Variants in IQANK1 observed in about 807,000 individuals in gnomAD.
IQANK1 encodes IQ motif and ankyrin repeat domain-containing protein 1.
Under a neutral mutation model 22.6 loss-of-function variants are expected in IQANK1, and 30 were observed. That is an observed-to-expected ratio of 1.33 (90% CI 0.99 to 1.80). The LOEUF (loss-of-function observed/expected upper bound fraction) is 1.80, where lower values mean the gene tolerates loss of function less well. Ranked by LOEUF, IQANK1 falls within the 40% of genes most tolerant of loss-of-function variation. The probability of loss-of-function intolerance (pLI) is 0.00; values close to 1 mark genes in which losing one functional copy is unlikely to be tolerated. For missense variants in IQANK1, 275 were observed against 235.2 expected (o/e 1.17, Z -1.11); for synonymous variants, 122 against 99.6 (o/e 1.23, Z -1.34).
chr8:143,775,570 C>G (rs1819665757), intron 7 of IQANK1, among the ~76,000 whole-genome samples: 1 of 151,802 alleles, frequency 6.6e-6, no homozygotes, highest in Non-Finnish European at 1.5e-5. Context: ...ACCAGCCTGG[C>G]CAACATGGTG....
chr8:143,747,974 CTTTCCTTTCCCTTTCCTTTCT>C (rs1819066962), intron 3 of IQANK1, among the ~76,000 whole-genome samples: 1 of 120,518 alleles, frequency 8.3e-6, no homozygotes, highest in Non-Finnish European at 1.7e-5. Context: ...TTTCCTTTCC[CTTTCCTTTCCCTTTCCTTTCT>C]TTTCCTTTCT....
At chr8:143,750,030 G>A (rs1819157724) in intron 3 of IQANK1, among the ~76,000 whole-genome samples, 2 of 147,242 alleles carry the variant, frequency 1.4e-5, no homozygotes, top group African/African-American at 5.0e-5. Context: ...TTGAGGTGGA[G>A]TTTCGCTCTT....
At chr8:143,738,089 G>T (rs1024002591) in intron 2 of IQANK1, among the ~76,000 whole-genome samples, 2 of 152,112 alleles carry the variant, frequency 1.3e-5, no homozygotes, top group African/African-American at 4.8e-5. Flanking sequence ...CACGTGCCCT[G>T]TAGGGGCCAC....
rs1218316003 is a variant in IQANK1 at position 143,748,974 on chromosome 8, A to G, written c.175+9026A>G. 2.6e-5 allele frequency among the ~76,000 whole-genome samples: 3 copies of G among 116,630 alleles called. No homozygotes were observed. The South Asian group carries it at 7.6e-4, about 29-fold the overall frequency. 76.5% of individuals were successfully genotyped at this position (116,630 alleles called of 152,430 possible). A position where few individuals can be genotyped will look rare whatever the true frequency, so the allele number is the denominator to read the frequency against. On this transcript the variant is annotated intron_variant, in intron 3 of 13. Coordinates refer to ENST00000527139, the MANE Select transcript of IQANK1 (RefSeq NM_001381874.1). ...CTATATATAAATATATATCATATAT[A>G]AATATATCATATATAAATATATATC... is the stretch of plus-strand genomic sequence containing the variant.
intron 3 of IQANK1, among the ~76,000 whole-genome samples, chr8:143,751,648 G>GTATA (rs1819191369): frequency 3.8e-5 from 1 of 26,056 alleles, no homozygotes; most frequent in African/African-American, 9.9e-5. Context: ...GTGTGTGTGT[G>GTATA]TGTGTGTGTG....
chr8:143,761,313 G>C (rs1819392854), intron 3 of IQANK1, among the ~76,000 whole-genome samples: 1 of 152,224 alleles, frequency 6.6e-6, no homozygotes, highest in African/African-American at 2.4e-5. Flanking sequence ...CCCGGCCCCT[G>C]CCTGCTGCTC....
Position 143,790,057 on chromosome 8 carries a change from G to A in IQANK1, c.1282G>A (p.Asp428Asn), listed in dbSNP as rs924148331. 157 of 1,232,012 alleles carry A rather than the reference G, an allele frequency of 1.3e-4. 4 individuals are homozygous for A. The highest frequency in any genetic ancestry group is 4.4e-4 in the East Asian group (14 of 31,726). 76.3% of individuals were successfully genotyped at this position (1,232,012 alleles called of 1,614,324 possible). A position where few individuals can be genotyped will look rare whatever the true frequency, so the allele number is the denominator to read the frequency against. ...AGATGTAGGCAACCGCATCCGTGCC[G>A]ATGGCCGGTCAGTTCTCCGGGCCAG... Reference protein sequence around the residue: ...MKDVGNRIRADGRWPLVIDPL... With the variant: ...MKDVGNRIRANGRWPLVIDPL... The change falls in exon 12 of 14, where the codon GAT (aspartate) becomes AAT (asparagine). Residue 428 changes from aspartate (D) to asparagine (N), a missense_variant. Coordinates refer to ENST00000527139, the MANE Select transcript of IQANK1 (RefSeq NM_001381874.1).
At chr8:143,738,567 G>A (rs1398525443) in intron 2 of IQANK1, among the ~76,000 whole-genome samples, 1 of 152,220 alleles carries the variant, frequency 6.6e-6, no homozygotes, top group Admixed American at 6.5e-5. Context: ...GGGCTTTACA[G>A]GCCACGGGCC....
intron 3 of IQANK1, among the ~76,000 whole-genome samples, chr8:143,740,896 C>T (rs1485614258): frequency 6.6e-6 from 1 of 152,212 alleles, no homozygotes; most frequent in Non-Finnish European, 1.5e-5. Context: ...CGGAAGGCCC[C>T]GTGGTATGTC....
At chr8:143,785,882 A>T (rs531684266) in intron 7 of IQANK1, among the ~76,000 whole-genome samples, 1 of 151,388 alleles carries the variant, frequency 6.6e-6, no homozygotes, top group Non-Finnish European at 1.5e-5. Context: ...ACGCACCACC[A>T]CACCTGGCTA....
chr8:143,740,440 C>T (rs1392368068), intron 3 of IQANK1, among the ~76,000 whole-genome samples: 2 of 152,242 alleles, frequency 1.3e-5, no homozygotes, highest in Non-Finnish European at 2.9e-5. Context: ...GGCCCGATAC[C>T]GCCCTGAGGC....
At chr8:143,761,297 G>C (rs1554628866) in intron 3 of IQANK1, among the ~76,000 whole-genome samples, 1 of 152,204 alleles carries the variant, frequency 6.6e-6, no homozygotes, top group Admixed American at 6.5e-5. Flanking sequence ...GGGAGTCCCG[G>C]AGACGCCCGG....
intron 2 of IQANK1, among the ~76,000 whole-genome samples, chr8:143,738,022 TG>T (rs1818789638): frequency 6.6e-6 from 1 of 152,174 alleles, no homozygotes; most frequent in South Asian, 2.1e-4. Context: ...AGGCTGCCTG[TG>T]GCTGCTCTGG....
chr8:143,749,196 AT>A (rs1469115509), intron 3 of IQANK1, among the ~76,000 whole-genome samples: 2 of 123,470 alleles, frequency 1.6e-5, no homozygotes, highest in Non-Finnish European at 3.1e-5. Flanking sequence ...TATATATCAT[AT>A]ATAAATATAT....
chr8:143,772,604 G>C, intron 7 of IQANK1, 122 bp downstream of exon 7: 1 of 397,400 alleles, frequency 2.5e-6, no homozygotes, highest in Non-Finnish European at 4.4e-6. Flanking sequence ...TGCACACCCA[G>C]GCAGGGAAGG....
rs1478202488 is a variant in IQANK1 at position 143,741,054 on chromosome 8, C to T, written c.175+1106C>T. 2.0e-5 allele frequency among the ~76,000 whole-genome samples: 3 copies of T among 152,184 alleles called. No individual in the cohort carries two copies. In the East Asian group the frequency reaches 5.8e-4, roughly 29 times the overall value. ...CTGAAGGCCAGCACCGAGGCTCTGC[C>T]CGGGACCGTCTCCAATCATTCCTGT... On this transcript the variant is annotated intron_variant, in intron 3 of 13. Transcript: ENST00000527139.
In IQANK1 at chr8:143,758,993, C is replaced by T. The variant is rs982567627; in HGVS notation, c.176-12495C>T. ...TGCACCCGCCATGCCGGGAAGAGCTCGGGTGGGCTTTCTCCATAGCAATTC... is the reference window on the plus strand; with the variant it reads ...TGCACCCGCCATGCCGGGAAGAGCTTGGGTGGGCTTTCTCCATAGCAATTC... On this transcript the variant is annotated intron_variant, in intron 3 of 13. Coordinates refer to ENST00000527139, the MANE Select transcript of IQANK1 (RefSeq NM_001381874.1). The surrounding 1 kb of genome is among the most constrained non-coding windows in gnomAD (Gnocchi z 4.2). The T allele has an allele frequency of 2.2e-5, 4 of 184,498 alleles. No individual in the cohort carries two copies. The highest frequency in any genetic ancestry group is 2.3e-5 in the Non-Finnish European group (2 of 86,528). The allele number at this position is 184,498 out of a possible 1,614,324, so 11.4% of individuals were successfully genotyped here.
Position 143,772,084 on chromosome 8 carries a change from C to T in IQANK1, c.504C>T (p.Gly168=). The T allele has an allele frequency of 2.5e-6, 1 of 396,152 alleles. No homozygotes were observed. The highest frequency in any genetic ancestry group is 4.5e-6 in the Non-Finnish European group (1 of 224,618). 24.5% of individuals were successfully genotyped at this position (396,152 alleles called of 1,614,324 possible). A position where few individuals can be genotyped will look rare whatever the true frequency, so the allele number is the denominator to read the frequency against. ...AGCTGCTGACGCGCGAGGGCGTGGG[C>T]CACGACGAGGCAGGCGAGGCGCGGC... ...VEQLLTREGV[G]HDEAGEARRL... The change falls in exon 6 of 14, where the codon GGC becomes GGT. Residue 168 remains glycine, a synonymous_variant. Transcript: ENST00000527139.
At chr8:143,744,188 G>A (rs1434657618) in intron 3 of IQANK1, 1 of 166,164 alleles carries the variant, frequency 6.0e-6, no homozygotes, top group Non-Finnish European at 1.3e-5. Context: ...GGTAATCTGG[G>A]ATGTTCTTCC....
Sources: allele counts gnomAD v4.1 joint callset (sites outside exome capture counted in the v4.1 genomes callset), GRCh38; gene constraint gnomAD v4.1.1; non-coding constraint Gnocchi (gnomAD v3.1); transcripts MANE v1.5; gene names NCBI Gene and HGNC (gene_info 2026-07-23, HGNC 2026-07-21).